The following CNR2 variants were observed in gnomAD, a reference collection of about 807,000 sequenced individuals.
CNR2 encodes cannabinoid receptor 2.
For synonymous variants in CNR2, 172 were observed against 182.2 expected, an observed-to-expected ratio of 0.94 and a Z score of 0.45; for missense variants, 379 against 439.9, an observed-to-expected ratio of 0.86 and a Z score of 1.24.
intron 1 of CNR2, among the ~76,000 whole-genome samples, chr1:23,903,199 A>G (rs1181554103): frequency 2.0e-5 from 3 of 152,118 alleles, no homozygotes; most frequent in African/African-American, 7.2e-5. Context: ...GGCCGCAGCA[A>G]TAACTGCTTT....
chr1:23,879,275 C>G (rs1557523464), intron 1 of CNR2, among the ~76,000 whole-genome samples: 1 of 152,102 alleles, frequency 6.6e-6, no homozygotes, highest in Non-Finnish European at 1.5e-5. Flanking sequence ...GCCTGGGTGA[C>G]AGAGTGAGAC....
chr1:23,877,922 C>G (rs1465031742), intron 1 of CNR2, among the ~76,000 whole-genome samples: 1 of 151,000 alleles, frequency 6.6e-6, no homozygotes, highest in African/African-American at 2.4e-5. Flanking sequence ...GATCGCACCA[C>G]TGCACAGCAG....
intron 1 of CNR2, among the ~76,000 whole-genome samples, chr1:23,911,204 G>T (rs1640577819): frequency 6.6e-6 from 1 of 151,960 alleles, no homozygotes; most frequent in Non-Finnish European, 1.5e-5. Context: ...CCACAGCCAA[G>T]GGGAGAGGAG....
chr1:23,912,446 C>T (rs191775010), intron 1 of CNR2, among the ~76,000 whole-genome samples: 132 of 152,354 alleles, frequency 8.7e-4, no homozygotes, highest in African/African-American at 3.0e-3. Context: ...GTCCACACCT[C>T]GTAAGGCAGG....
chr1:23,871,787 G>A lies in CNR2; in HGVS notation c.*2748C>T, dbSNP rs1639768574. On this transcript the variant is annotated 3_prime_UTR_variant, in exon 2 of 2. Transcript: ENST00000374472. ...ATATAATTGGTTAAATTAAGATGAA[G>A]TCATACTATTAGGATTAGGGTGGGC... is the stretch of plus-strand genomic sequence containing the variant. The A allele has an allele frequency of 6.6e-6, 1 of 152,098 alleles. No individual in the cohort carries two copies. The highest frequency in any genetic ancestry group is 2.4e-5 in the African/African-American group (1 of 41,392). The allele number at this position is 152,098 out of a possible 1,614,324, so 9.4% of individuals were successfully genotyped here.
Position 23,874,454 on chromosome 1 carries a change from G to T in CNR2, c.*81C>A. On this transcript the variant is annotated 3_prime_UTR_variant, in exon 2 of 2. Coordinates refer to ENST00000374472, the MANE Select transcript of CNR2 (RefSeq NM_001841.3). ...TGTCTGGGACTGGTTTAAGTAAGAA[G>T]AGAGTGCCAAGACCCCTCTCTCTCT... The T allele has an allele frequency of 6.9e-7, 1 of 1,449,370 alleles. No homozygotes were observed. Among genetic ancestry groups the T allele is most frequent in the African/African-American group, 1.4e-5 (1 of 70,278 alleles). 89.8% of individuals were successfully genotyped at this position (1,449,370 alleles called of 1,614,324 possible). A position where few individuals can be genotyped will look rare whatever the true frequency, so the allele number is the denominator to read the frequency against.
chr1:23,879,814 C>T (rs574074561), intron 1 of CNR2, among the ~76,000 whole-genome samples: 4 of 152,042 alleles, frequency 2.6e-5, no homozygotes, highest in African/African-American at 4.8e-5. Context: ...TTTAATCAGG[C>T]CCATTTCTAA....
intron 1 of CNR2, among the ~76,000 whole-genome samples, chr1:23,878,042 G>A (rs1388015270): frequency 2.0e-5 from 3 of 152,052 alleles, no homozygotes; most frequent in Admixed American, 1.3e-4. Context: ...AAACAAGAAA[G>A]AGAAGTTAAG....
intron 1 of CNR2, among the ~76,000 whole-genome samples, chr1:23,879,227 G>C (rs1303506217): frequency 1.3e-5 from 2 of 152,010 alleles, no homozygotes; most frequent in Admixed American, 6.6e-5. Flanking sequence ...CTGGGAGGCA[G>C]AGGTTGCAGT....
At chr1:23,878,183 G>A (rs1639921462) in intron 1 of CNR2, among the ~76,000 whole-genome samples, 1 of 151,802 alleles carries the variant, frequency 6.6e-6, no homozygotes, top group Non-Finnish European at 1.5e-5. Flanking sequence ...TGGGCAACAT[G>A]GGAAAACCCC....
chr1:23,895,161 C>G (rs1640258027), intron 1 of CNR2, among the ~76,000 whole-genome samples: 1 of 136,208 alleles, frequency 7.3e-6, no homozygotes, highest in South Asian at 2.5e-4. Flanking sequence ...GTGGAGGTTG[C>G]AGTGATCCAA....
chr1:23,878,439 G>A (rs1639926070), intron 1 of CNR2, among the ~76,000 whole-genome samples: 1 of 105,244 alleles, frequency 9.5e-6, no homozygotes, highest in African/African-American at 4.4e-5. Flanking sequence ...GGAACCCAAA[G>A]CAGAATTTTT....
chr1:23,887,291 A>G (rs1481006437), intron 1 of CNR2, among the ~76,000 whole-genome samples: 1 of 152,122 alleles, frequency 6.6e-6, no homozygotes, highest in African/African-American at 2.4e-5. Context: ...GGCTAAGAGG[A>G]TCCCTGCAAC....
rs1639795234 is a variant in CNR2, at chr1:23,873,203, C to G, written c.*1332G>C. ...TTAGGCTCCTCTGGGAGGAACCCAG[C>G]CTCCCTCATATGAAAAATGAGTACC... On this transcript the variant is annotated 3_prime_UTR_variant, in exon 2 of 2. Transcript: ENST00000374472. 1 of 152,050 alleles carries G rather than the reference C, an allele frequency of 6.6e-6. No individual in the cohort carries two copies. The highest frequency in any genetic ancestry group is 1.5e-5 in the Non-Finnish European group (1 of 68,016). 9.4% of individuals were successfully genotyped at this position (152,050 alleles called of 1,614,324 possible).
chr1:23,875,725 A>T, intron 1 of CNR2, 63 bp from the exon 2 acceptor site: 1 of 1,356,010 alleles, frequency 7.4e-7, no homozygotes, highest in South Asian at 1.5e-5. Flanking sequence ...ACCTCACCTG[A>T]TAACTGACTG....
rs993814441 is a variant in CNR2 at position 23,873,591 on chromosome 1, T to G, written c.*944A>C. 1 of 152,096 alleles carries G rather than the reference T, an allele frequency of 6.6e-6. No homozygotes were observed. The highest frequency in any genetic ancestry group is 6.6e-5 in the Admixed American group (1 of 15,240). The allele number at this position is 152,096 out of a possible 1,614,324, so 9.4% of individuals were successfully genotyped here. A position where few individuals can be genotyped will look rare whatever the true frequency, so the allele number is the denominator to read the frequency against. On this transcript the variant is annotated 3_prime_UTR_variant, in exon 2 of 2. Transcript: ENST00000374472. ...TCTAGCTGGGGTCAATAGACTGAAA[T>G]GTCAGCCCCATACCTGGCATATAGG...
At chr1:23,887,185 C>T (rs908367385) in intron 1 of CNR2, among the ~76,000 whole-genome samples, 4 of 152,298 alleles carry the variant, frequency 2.6e-5, no homozygotes, top group Admixed American at 6.5e-5. Context: ...GCCAGCTCAC[C>T]TCTCCACCCT....
chr1:23,877,565 G>A (rs1453301358), intron 1 of CNR2, among the ~76,000 whole-genome samples: 1 of 152,020 alleles, frequency 6.6e-6, no homozygotes, highest in Non-Finnish European at 1.5e-5. Flanking sequence ...AACCCGGGAG[G>A]CGGAGCTTGC....
intron 1 of CNR2, among the ~76,000 whole-genome samples, chr1:23,891,099 C>T (rs1191684254): frequency 6.6e-6 from 1 of 151,428 alleles, no homozygotes; most frequent in Non-Finnish European, 1.5e-5. Flanking sequence ...AGCCTGTTCT[C>T]GAACTCCTGA....
Sources: allele counts gnomAD v4.1 joint callset (sites outside exome capture counted in the v4.1 genomes callset), GRCh38; gene constraint gnomAD v4.1.1; transcripts MANE v1.5; gene names NCBI Gene and HGNC (gene_info 2026-07-23, HGNC 2026-07-21).